The following KCNK15 variants were observed in gnomAD, a reference collection of about 807,000 sequenced individuals.
KCNK15 encodes the protein potassium two pore domain channel subfamily K member 15, also known as potassium channel subfamily K member 15.
KCNK15 carries 9 observed loss-of-function variants against 8.5 expected under a neutral mutation model. That is an observed-to-expected ratio of 1.06 (90% CI 0.64 to 1.85). The LOEUF (loss-of-function observed/expected upper bound fraction) is 1.85. KCNK15 is among the 40% of genes most tolerant of loss of function. KCNK15 has a pLI of 0.00. For synonymous variants in KCNK15, 224 were observed against 232.7 expected (o/e 0.96, Z 0.34); for missense variants, 467 against 476.8 (o/e 0.98, Z 0.19).
In KCNK15 at chr20:44,750,420, A is replaced by G. The variant is rs755589174; in HGVS notation, c.575A>G (p.Tyr192Cys). 18 of 1,613,684 alleles carry G rather than the reference A, an allele frequency of 1.1e-5. No homozygotes were observed. The highest frequency in any genetic ancestry group is 1.1e-4 in the South Asian group (10 of 91,058). ...EGWTFFHAYY[Y>C]CFITLTTIGF... ...TGGACCTTCTTCCACGCCTACTACT[A>G]CTGCTTCATCACCCTCACCACCATC... is the stretch of plus-strand genomic sequence containing the variant. The change falls in exon 2 of 2, where the codon TAC becomes TGC. Residue 192 changes from tyrosine to cysteine, a missense_variant. This residue lies in a region of KCNK15 where 455 missense variants were observed against 441.2 expected (regional missense o/e 1.03). Coordinates refer to ENST00000372861, the MANE Select transcript of KCNK15 (RefSeq NM_022358.4).
intron 1 of KCNK15, chr20:44,746,850 T>C (rs1324193630): frequency 6.6e-6 from 1 of 152,206 alleles, no homozygotes; most frequent in African/African-American, 2.4e-5. Context: ...AATAAATACT[T>C]GTTAAAGGAA....
intron 1 of KCNK15, 86 bp downstream of exon 1, chr20:44,746,279 C>A: frequency 8.2e-7 from 1 of 1,223,098 alleles, no homozygotes; most frequent in Non-Finnish European, 1.1e-6. Flanking sequence ...CCTCTGCCCC[C>A]GCCCAGCTGA....
Position 44,746,120 on chromosome 20 carries a change from G to A in KCNK15, c.210G>A (p.Glu70=). ...TGGAGCGCCTGGCGCTCCAGGCTGA[G>A]CCCCACCGCGCCGGCCGCCAGTGGA... ...RELERLALQA[E]PHRAGRQWKF... The change falls in exon 1 of 2, where the codon GAG becomes GAA. Residue 70 remains glutamate (E), a synonymous_variant. Coordinates refer to ENST00000372861, the MANE Select transcript of KCNK15 (RefSeq NM_022358.4). 3 of 1,445,018 alleles carry A rather than the reference G, an allele frequency of 2.1e-6. No individual in the cohort carries two copies. The highest frequency in any genetic ancestry group is 2.7e-6 in the Non-Finnish European group (3 of 1,093,672). 89.5% of individuals were successfully genotyped at this position (1,445,018 alleles called of 1,614,324 possible).
rs2066031933 is a variant in KCNK15, at chr20:44,751,487, A to G, written c.*649A>G. 3 of 152,106 alleles carry G rather than the reference A, an allele frequency of 2.0e-5. No individual in the cohort carries two copies. The highest frequency in any genetic ancestry group is 2.0e-4 in the Admixed American group (3 of 15,272). The allele number at this position is 152,106 out of a possible 1,614,324, so 9.4% of individuals were successfully genotyped here. Reference sequence around the variant, plus strand: ...GAGGCCTTGCTGTCACCCACCCACCATGTCACTGGGGCCACTTGGACACAG... The same window carrying G: ...GAGGCCTTGCTGTCACCCACCCACCGTGTCACTGGGGCCACTTGGACACAG... On this transcript the variant is annotated 3_prime_UTR_variant, in exon 2 of 2. Coordinates refer to ENST00000372861, the MANE Select transcript of KCNK15 (RefSeq NM_022358.4).
chr20:44,746,290 G>C (rs2066007602), intron 1 of KCNK15, 97 bp downstream of exon 1: 13 of 1,169,896 alleles, frequency 1.1e-5, no homozygotes, highest in Non-Finnish European at 1.4e-5. Context: ...GCCCAGCTGA[G>C]CTACTTTGGA....
chr20:44,750,197 A>C lies in KCNK15; in HGVS notation c.352A>C (p.Ile118Leu). 6.2e-7 allele frequency: 1 copy of C among 1,612,998 alleles called. No individual in the cohort carries two copies. The highest frequency in any genetic ancestry group is 8.5e-7 in the Non-Finnish European group (1 of 1,179,818). The change falls in exon 2 of 2, where the codon ATC becomes CTC. Residue 118 changes from isoleucine to leucine, a missense_variant. By Grantham distance (5) the Ile-to-Leu change is conservative. Coordinates refer to ENST00000372861, the MANE Select transcript of KCNK15 (RefSeq NM_022358.4). ...VFCMFYALLG[I>L]PLTLVTFQSL... ...CTGCATGTTCTACGCGCTCCTGGGC[A>C]TCCCGCTGACGCTGGTCACTTTCCA...
Position 44,750,368 on chromosome 20 carries a change from G to GCCGT in KCNK15, c.525_528dup (p.Ala177ArgfsTer186), listed in dbSNP as rs1176718656. 2.5e-6 allele frequency: 4 copies of GCCGT among 1,613,434 alleles called. No homozygotes were observed. The Admixed American group carries it at 6.7e-5, about 27-fold the overall frequency. On this transcript the variant is annotated frameshift_variant, in exon 2 of 2. Coordinates refer to ENST00000372861, the MANE Select transcript of KCNK15 (RefSeq NM_022358.4). LOFTEE classifies it low-confidence loss of function (END_TRUNC). ...GTGTGCCGCCACCCTGGCCCTCGGGGCCGTCGCCTTCTCGCACTTCGAGGG... is the reference window on the plus strand; with the variant it reads ...GTGTGCCGCCACCCTGGCCCTCGGGGCCGTCCGTCGCCTTCTCGCACTTCGAGGG...
At position 44,750,499 on chromosome 20, in the gene KCNK15, C is replaced by T; in HGVS notation, c.654C>T (p.Leu218=). The change falls in exon 2 of 2, where the codon CTC becomes CTT. Residue 218 remains leucine (L), a synonymous_variant. Transcript: ENST00000372861. ...LQSGEALQRK[L]PYVAFSFLYI... The stretch of plus-strand genomic sequence containing the variant: ...GCGGCGAGGCGCTGCAGAGGAAGCT[C>T]CCCTACGTGGCCTTCAGCTTCCTCT... The T allele has an allele frequency of 6.2e-7, 1 of 1,613,854 alleles. No homozygotes were observed.
chr20:44,745,998 G>A lies in KCNK15; in HGVS notation c.88G>A (p.Glu30Lys), dbSNP rs752969047. 1.3e-6 allele frequency: 2 copies of A among 1,527,148 alleles called. No homozygotes were observed. The highest frequency in any genetic ancestry group is 1.8e-6 in the Non-Finnish European group (2 of 1,137,614). The allele number at this position is 1,527,148 out of a possible 1,614,324, so 94.6% of individuals were successfully genotyped here. The change falls in exon 1 of 2, where the codon GAG becomes AAG. Residue 30 changes from glutamate (E) to lysine (K), a missense_variant. Physicochemically the swap from Glu to Lys is moderately conservative, Grantham distance 56. Transcript: ENST00000372861. ...GGGCGCTGCTGTCTTCGACGCGCTC[G>A]AGTCCGAGGCGGAAAGCGGCCGCCA... ...LVGAAVFDALESEAESGRQRL... is the reference protein window; with the variant it reads ...LVGAAVFDALKSEAESGRQRL...
chr20:44,746,130 G>A lies in KCNK15; in HGVS notation c.220G>A (p.Ala74Thr), dbSNP rs1228882558. Residue 74 changes from alanine to threonine, a missense_variant, in exon 1 of 2, where the codon GCC becomes ACC. Ala to Thr is a moderately conservative substitution (Grantham distance 58, BLOSUM62 0). Around this residue, in one of 2 missense-constraint regions of KCNK15, gnomAD observed 455 missense variants for 441.2 expected, o/e 1.03. Coordinates refer to ENST00000372861, the MANE Select transcript of KCNK15 (RefSeq NM_022358.4). ...GGCGCTCCAGGCTGAGCCCCACCGCGCCGGCCGCCAGTGGAAGTTCCCCGG... is the reference window on the plus strand; with the variant it reads ...GGCGCTCCAGGCTGAGCCCCACCGCACCGGCCGCCAGTGGAAGTTCCCCGG... ...RLALQAEPHR[A>T]GRQWKFPGSF... 2.1e-6 allele frequency: 3 copies of A among 1,429,968 alleles called. No homozygotes were observed. Among genetic ancestry groups the A allele is most frequent in the Non-Finnish European group, 2.8e-6 (3 of 1,084,918 alleles). The allele number at this position is 1,429,968 out of a possible 1,614,324, so 88.6% of individuals were successfully genotyped here.
In KCNK15 at chr20:44,750,931, G is replaced by C; in HGVS notation, c.*93G>C. The C allele has an allele frequency of 1.1e-6, 1 of 873,046 alleles. No individual in the cohort carries two copies. Among genetic ancestry groups the C allele is most frequent in the Non-Finnish European group, 1.6e-6 (1 of 634,340 alleles). 54.1% of individuals were successfully genotyped at this position (873,046 alleles called of 1,614,324 possible). A position where few individuals can be genotyped will look rare whatever the true frequency, so the allele number is the denominator to read the frequency against. On this transcript the variant is annotated 3_prime_UTR_variant, in exon 2 of 2. Coordinates refer to ENST00000372861, the MANE Select transcript of KCNK15 (RefSeq NM_022358.4). ...CCCAGGGATTGGAAACGGATGACGGGCCTCTAGGCGGTCTTCTGCCACGAG... is the reference window on the plus strand; with the variant it reads ...CCCAGGGATTGGAAACGGATGACGGCCCTCTAGGCGGTCTTCTGCCACGAG...
At chr20:44,747,916 C>T (rs1286391983) in intron 1 of KCNK15, among the ~76,000 whole-genome samples, 1 of 152,044 alleles carries the variant, frequency 6.6e-6, no homozygotes, top group Non-Finnish European at 1.5e-5. Flanking sequence ...TGGTTAATAG[C>T]TCAGGCCTGT....
intron 1 of KCNK15, among the ~76,000 whole-genome samples, chr20:44,747,773 C>T (rs575627160): frequency 6.9e-4 from 105 of 152,364 alleles, no homozygotes; most frequent in Admixed American, 1.4e-3. Context: ...GGAATTTGGG[C>T]TTTGCTTGGA....
Position 44,750,858 on chromosome 20 carries a change from G to T in KCNK15, c.*20G>T. ...ATCTGACAACCCCACCCAGGCCAGG[G>T]TCGAATCTGGAATGGGAGGGTCTGG... On this transcript the variant is annotated 3_prime_UTR_variant, in exon 2 of 2. Coordinates refer to ENST00000372861, the MANE Select transcript of KCNK15 (RefSeq NM_022358.4). 7.3e-7 allele frequency: 1 copy of T among 1,362,174 alleles called. No individual in the cohort carries two copies. Among genetic ancestry groups the T allele is most frequent in the Non-Finnish European group, 9.5e-7 (1 of 1,054,088 alleles). 84.4% of individuals were successfully genotyped at this position (1,362,174 alleles called of 1,614,324 possible).
chr20:44,750,287 G>A lies in KCNK15; in HGVS notation c.442G>A (p.Gly148Ser). Reference sequence around the variant, plus strand: ...CCTGTTGGCGGCCAAGTGCTGCCTGGGCCTGCGGTGGACGTGCGTGTCCAC... The same window carrying A: ...CCTGTTGGCGGCCAAGTGCTGCCTGAGCCTGCGGTGGACGTGCGTGTCCAC... ...RLLLAAKCCLGLRWTCVSTEN... is the reference protein window; with the variant it reads ...RLLLAAKCCLSLRWTCVSTEN... The change falls in exon 2 of 2, where the codon GGC becomes AGC. Residue 148 changes from glycine to serine, a missense_variant. Around this residue, in one of 2 missense-constraint regions of KCNK15, gnomAD observed 455 missense variants for 441.2 expected, o/e 1.03. Transcript: ENST00000372861. The A allele has an allele frequency of 6.2e-7, 1 of 1,605,528 alleles. No individual in the cohort carries two copies. The highest frequency in any genetic ancestry group is 8.5e-7 in the Non-Finnish European group (1 of 1,176,954).
In KCNK15 at chr20:44,750,393, G is replaced by A. The variant is rs372933721; in HGVS notation, c.548G>A (p.Gly183Asp). The change falls in exon 2 of 2, where the codon GGC becomes GAC. Residue 183 changes from glycine (G) to aspartate (D), a missense_variant. This residue lies in a region of KCNK15 where 455 missense variants were observed against 441.2 expected (regional missense o/e 1.03). Coordinates refer to ENST00000372861, the MANE Select transcript of KCNK15 (RefSeq NM_022358.4). Reference protein sequence around the residue: ...LGAVAFSHFEGWTFFHAYYYC... With the variant: ...LGAVAFSHFEDWTFFHAYYYC... ...GCCGTCGCCTTCTCGCACTTCGAGG[G>A]CTGGACCTTCTTCCACGCCTACTAC... 4 of 1,613,800 alleles carry A rather than the reference G, an allele frequency of 2.5e-6. No homozygotes were observed. The highest frequency in any genetic ancestry group is 3.4e-6 in the Non-Finnish European group (4 of 1,179,892).
At chr20:44,748,298 G>A (rs574851630) in intron 1 of KCNK15, among the ~76,000 whole-genome samples, 63 of 152,012 alleles carry the variant, frequency 4.1e-4, no homozygotes, top group Non-Finnish European at 8.1e-4. Context: ...CACCACCATC[G>A]TCCCCGCCCT....
chr20:44,747,286 A>T (rs909974968), intron 1 of KCNK15: 3 of 152,180 alleles, frequency 2.0e-5, no homozygotes, highest in African/African-American at 7.2e-5. Context: ...GTTTCCCCAA[A>T]GGCAAAATGC....
At position 44,750,685 on chromosome 20, in the gene KCNK15, G is replaced by T. The variant is rs1030592673; in HGVS notation, c.840G>T (p.Pro280=). The T allele has an allele frequency of 1.1e-5, 16 of 1,488,948 alleles. No homozygotes were observed. In the Admixed American group the frequency reaches 2.7e-4, roughly 25 times the overall value. 92.2% of individuals were successfully genotyped at this position (1,488,948 alleles called of 1,614,324 possible). The change falls in exon 2 of 2, where the codon CCG becomes CCT. Residue 280 remains proline, a synonymous_variant. Transcript: ENST00000372861. The part of the protein sequence containing the change: ...ESRGLWLPRR[P]ARSVGSASVF... ...GTGGCCTCTGGCTGCCCCGCCGCCCGGCCCGCTCCGTGGGCTCCGCCTCTG... is the reference window on the plus strand; with the variant it reads ...GTGGCCTCTGGCTGCCCCGCCGCCCTGCCCGCTCCGTGGGCTCCGCCTCTG...
Sources: gnomAD v4.1 joint callset for allele counts (sites outside exome capture counted in the v4.1 genomes callset) on GRCh38, gnomAD v4.1.1 for gene constraint, gnomAD v4.1.1 regional missense constraint, MANE v1.5 for transcripts, NCBI Gene and HGNC (gene_info 2026-07-23, HGNC 2026-07-21) for gene names.